The following OR8J1 variants were observed in gnomAD, a reference collection of about 807,000 sequenced individuals.
OR8J1 encodes olfactory receptor 8J1.
For synonymous variants in OR8J1, 157 were observed against 144.3 expected (o/e 1.09, Z -0.63); for missense variants, 400 against 373.0 (o/e 1.07, Z -0.60).
chr11:56,356,283 C>T (rs1854967165), intron 1 of OR8J1, among the ~76,000 whole-genome samples: 1 of 152,138 alleles, frequency 6.6e-6, no homozygotes, highest in South Asian at 2.1e-4. Flanking sequence ...GCAAATAGTG[C>T]AATCTTGAGA....
chr11:56,358,146 T>G (rs937350288), intron 1 of OR8J1: 1 of 389,190 alleles, frequency 2.6e-6, no homozygotes, highest in Non-Finnish European at 4.8e-6. Flanking sequence ...GAATGTCCCT[T>G]GCTCAGAAGA....
intron 1 of OR8J1, among the ~76,000 whole-genome samples, chr11:56,356,029 T>A (rs1400412244): frequency 2.0e-5 from 3 of 152,154 alleles, no homozygotes; most frequent in African/African-American, 7.2e-5. Flanking sequence ...ACCAGAAAAG[T>A]CATGTGAATC....
Position 56,360,575 on chromosome 11 carries a change from C to A in OR8J1, c.329C>A (p.Ser110Ter), listed in dbSNP as rs768285352. The A allele has an allele frequency of 1.2e-6, 2 of 1,613,932 alleles. No homozygotes were observed. The highest frequency in any genetic ancestry group is 1.7e-6 in the Non-Finnish European group (2 of 1,179,964). The change falls in exon 2 of 2, where the codon TCG (serine) becomes TAG (stop). Residue 110 changes from serine (S) to a stop codon, truncating the protein, a stop_gained. Coordinates refer to ENST00000533152, the MANE Select transcript of OR8J1 (RefSeq NM_001005205.3). LOFTEE classifies it low-confidence loss of function (END_TRUNC). ...GGAGGGTTCTTGTTCTTTATTGTATCGGAGGTAATCATGCTGGCTTTGATG... is the reference window on the plus strand; with the variant it reads ...GGAGGGTTCTTGTTCTTTATTGTATAGGAGGTAATCATGCTGGCTTTGATG... ...QLGGFLFFIV[S>*]EVIMLALMAY... is the part of the protein sequence containing the mutation.
intron 1 of OR8J1, chr11:56,358,319 C>G (rs1357942935): frequency 5.9e-6 from 1 of 168,266 alleles, no homozygotes; most frequent in African/African-American, 2.4e-5. Context: ...CAAATAATCA[C>G]TGTGACCTAA....
At chr11:56,355,364 G>T (rs111784303) in intron 1 of OR8J1, among the ~76,000 whole-genome samples, 4,562 of 152,058 alleles carry the variant, frequency 0.03, 220 homozygotes, top group African/African-American at 0.1. Flanking sequence ...GACCAGGCAT[G>T]CTGGCTTACT....
chr11:56,359,534 G>C (rs187371757), intron 1 of OR8J1, among the ~76,000 whole-genome samples: 1 of 151,586 alleles, frequency 6.6e-6, no homozygotes, highest in Non-Finnish European at 1.5e-5. Context: ...GAGAAAGAAG[G>C]AACAGAAAGT....
In OR8J1 at chr11:56,360,970, G is replaced by T; in HGVS notation, c.724G>T (p.Ala242Ser). ...EGRKKAFSTC[A>S]SHMMAVTIFY... ...AAGGAAAAAAGCCTTTTCTACCTGT[G>T]CTTCACATATGATGGCAGTCACAAT... The change falls in exon 2 of 2, where the codon GCT becomes TCT. Residue 242 changes from alanine (A) to serine (S), a missense_variant. By Grantham distance (99) the Ala-to-Ser change is moderately conservative. Transcript: ENST00000533152. 6.8e-7 allele frequency: 1 copy of T among 1,475,860 alleles called. No homozygotes were observed. The highest frequency in any genetic ancestry group is 8.9e-7 in the Non-Finnish European group (1 of 1,117,622). 91.4% of individuals were successfully genotyped at this position (1,475,860 alleles called of 1,614,324 possible).
intron 1 of OR8J1, chr11:56,357,456 A>G (rs1242037590): frequency 3.4e-5 from 30 of 886,090 alleles, no homozygotes; most frequent in Non-Finnish European, 5.1e-5. Flanking sequence ...AAATAAATAC[A>G]ACACACCCAA....
chr11:56,361,251 A>C lies in OR8J1; in HGVS notation c.*54A>C. 1 of 735,770 alleles carries C rather than the reference A, an allele frequency of 1.4e-6. No homozygotes were observed. The highest frequency in any genetic ancestry group is 2.0e-6 in the Non-Finnish European group (1 of 509,270). The allele number at this position is 735,770 out of a possible 1,614,324, so 45.6% of individuals were successfully genotyped here. ...GAGTTAATATAAGCTGCCATTATGT[A>C]AAAGAAAATGTAGGAAAAAGAAAAG... is the stretch of plus-strand genomic sequence containing the variant. On this transcript the variant is annotated 3_prime_UTR_variant, in exon 2 of 2. Coordinates refer to ENST00000533152, the MANE Select transcript of OR8J1 (RefSeq NM_001005205.3).
chr11:56,358,317 C>A, intron 1 of OR8J1: 1 of 168,566 alleles, frequency 5.9e-6, no homozygotes, highest in South Asian at 1.6e-4. Flanking sequence ...TTCAAATAAT[C>A]ACTGTGACCT....
Position 56,360,264 on chromosome 11 carries a change from C to G in OR8J1, c.18C>G (p.Phe6Leu). 6.4e-7 allele frequency: 1 copy of G among 1,568,044 alleles called. No individual in the cohort carries two copies. The highest frequency in any genetic ancestry group is 8.6e-7 in the Non-Finnish European group (1 of 1,161,710). MAPEN[F>L]TRVTEFILTG... ...ACTCTGACATGGCTCCTGAAAATTT[C>G]ACCAGAGTCACTGAGTTTATTCTTA... Residue 6 changes from phenylalanine to leucine, a missense_variant, in exon 2 of 2, where the codon TTC becomes TTG. By Grantham distance (22) the Phe-to-Leu change is conservative. Transcript: ENST00000533152.
In OR8J1 at chr11:56,360,889, C is replaced by A. The variant is rs970934144; in HGVS notation, c.643C>A (p.Leu215Ile). The A allele has an allele frequency of 6.7e-7, 1 of 1,497,062 alleles. No individual in the cohort carries two copies. Among genetic ancestry groups the A allele is most frequent in the African/African-American group, 1.4e-5 (1 of 70,576 alleles). The allele number at this position is 1,497,062 out of a possible 1,614,324, so 92.7% of individuals were successfully genotyped here. A position where few individuals can be genotyped will look rare whatever the true frequency, so the allele number is the denominator to read the frequency against. ...TNVVGSLIIV[L>I]VSYFNIVLSI... ...TGTGGTTGGTTCCTTGATTATAGTT[C>A]TAGTATCTTATTTCAATATTGTTTT... is the stretch of plus-strand genomic sequence containing the variant. Residue 215 changes from leucine (L) to isoleucine (I), a missense_variant, in exon 2 of 2, where the codon CTA becomes ATA. Leu to Ile is a conservative substitution (Grantham distance 5). Transcript: ENST00000533152.
At chr11:56,354,998 C>G (rs1426246552) in intron 1 of OR8J1, among the ~76,000 whole-genome samples, 1 of 152,076 alleles carries the variant, frequency 6.6e-6, no homozygotes, top group Non-Finnish European at 1.5e-5. Flanking sequence ...AGGAGCAAGA[C>G]TTTAAGATAC....
chr11:56,359,176 T>C (rs1410778727), intron 1 of OR8J1, among the ~76,000 whole-genome samples: 1 of 152,086 alleles, frequency 6.6e-6, no homozygotes, highest in African/African-American at 2.4e-5. Flanking sequence ...CTATAAATTG[T>C]AGCAGAGACT....
rs555739243 is a variant in OR8J1 at position 56,357,666 on chromosome 11, A to G, written c.-20-2561A>G. ...CTGCAGGCTTCTCAATAGGTTTGGC[A>G]TGGACAAGATCTATGAAGGCCAAGT... On this transcript the variant is annotated intron_variant, in intron 1 of 1. Coordinates refer to ENST00000533152, the MANE Select transcript of OR8J1 (RefSeq NM_001005205.3). 13 of 1,569,088 alleles carry G rather than the reference A, an allele frequency of 8.3e-6. No individual in the cohort carries two copies. In the East Asian group the frequency reaches 1.6e-4, roughly 19 times the overall value.
intron 1 of OR8J1, among the ~76,000 whole-genome samples, chr11:56,356,007 G>A (rs747115928): frequency 1.3e-4 from 20 of 152,166 alleles, no homozygotes; most frequent in Non-Finnish European, 7.3e-5. Context: ...GGCATGTTTT[G>A]TAGGGTGAAT....
chr11:56,360,148 A>G, intron 1 of OR8J1, 79 bp from the exon 2 acceptor site: 1 of 876,232 alleles, frequency 1.1e-6, no homozygotes, highest in African/African-American at 1.7e-5. Flanking sequence ...AAATGTTATC[A>G]GGGAATTGTC....
intron 1 of OR8J1, chr11:56,358,062 T>C (rs1467713466): frequency 8.4e-6 from 5 of 598,684 alleles, no homozygotes; most frequent in Non-Finnish European, 1.5e-5. Flanking sequence ...AAGCTCATGC[T>C]GCTATAGGAG....
At chr11:56,357,470 C>A in intron 1 of OR8J1, 1 of 870,694 alleles carries the variant, frequency 1.1e-6, no homozygotes, top group Non-Finnish European at 1.9e-6. Context: ...CACCCAAATA[C>A]TGGATGATAG....
Sources: gnomAD v4.1 joint callset for allele counts (sites outside exome capture counted in the v4.1 genomes callset) on GRCh38, gnomAD v4.1.1 for gene constraint, MANE v1.5 for transcripts, NCBI Gene and HGNC (gene_info 2026-07-23, HGNC 2026-07-21) for gene names.